Variants in CPVL observed in about 807,000 individuals in gnomAD.
CPVL encodes the protein probable serine carboxypeptidase CPVL.
Under a neutral mutation model 63.7 loss-of-function variants are expected in CPVL, and 51 were observed. The ratio of observed to expected loss-of-function variants is 0.80; its 90% CI spans 0.64 to 1.01. The LOEUF is 1.01. Ranked by LOEUF, CPVL falls within the 50% of genes least tolerant of loss-of-function variation. The pLI, the probability that CPVL is intolerant of heterozygous loss-of-function variation, is 0.00. For missense variants in CPVL, 530 were observed against 573.1 expected, an observed-to-expected ratio of 0.92 and a Z score of 0.77; for synonymous variants, 195 against 206.0, an observed-to-expected ratio of 0.95 and a Z score of 0.46.
At chr7:29,167,737 A>G (rs1203485175) in intron 5 of CPVL, among the ~76,000 whole-genome samples, 3 of 152,206 alleles carry the variant, frequency 2.0e-5, no homozygotes, top group Admixed American at 2.0e-4. Flanking sequence ...TGTGAAAGTC[A>G]TTTGTTTTCC....
chr7:29,060,476 T>G (rs1791159878), intron 11 of CPVL, among the ~76,000 whole-genome samples: 1 of 152,234 alleles, frequency 6.6e-6, no homozygotes, highest in African/African-American at 2.4e-5. Context: ...CATAAAGAAT[T>G]CAAATAGCCC....
intron 12 of CPVL, among the ~76,000 whole-genome samples, chr7:29,026,151 A>C (rs1468407864): frequency 6.6e-6 from 1 of 152,232 alleles, no homozygotes; most frequent in Non-Finnish European, 1.5e-5. Context: ...TAAACTAGAA[A>C]TCAATACCAA....
chr7:29,166,379 G>T (rs1466463817), intron 5 of CPVL, among the ~76,000 whole-genome samples: 2 of 152,128 alleles, frequency 1.3e-5, no homozygotes, highest in Non-Finnish European at 2.9e-5. Context: ...GTTTTGTGTA[G>T]AATTGATATT....
chr7:29,005,330 G>A (rs1180207487), intron 12 of CPVL, among the ~76,000 whole-genome samples: 3 of 152,132 alleles, frequency 2.0e-5, no homozygotes, highest in Admixed American at 6.5e-5. Flanking sequence ...GAAGTGAAGA[G>A]GAGAAATTAC....
chr7:29,103,149 T>C (rs1787338102), intron 3 of CPVL, among the ~76,000 whole-genome samples: 1 of 113,002 alleles, frequency 8.8e-6, no homozygotes, highest in Non-Finnish European at 1.7e-5. Context: ...TCAGACCATA[T>C]GCCTATCACT....
intron 1 of CPVL, among the ~76,000 whole-genome samples, chr7:29,134,662 G>A (rs961906554): frequency 6.6e-6 from 1 of 152,038 alleles, no homozygotes; most frequent in Non-Finnish European, 1.5e-5. Flanking sequence ...AAAGGACAGT[G>A]CAATTAAGTT....
At chr7:29,087,490 C>G (rs537449489) in intron 6 of CPVL, among the ~76,000 whole-genome samples, 3 of 150,196 alleles carry the variant, frequency 2.0e-5, no homozygotes, top group Admixed American at 6.6e-5. Context: ...TTAACAGACT[C>G]AAGGAGTGAT....
intron 3 of CPVL, among the ~76,000 whole-genome samples, chr7:29,109,173 C>T (rs1263588388): frequency 6.6e-6 from 1 of 152,192 alleles, no homozygotes; most frequent in Non-Finnish European, 1.5e-5. Flanking sequence ...TTATCCCATG[C>T]AAAATGCCTA....
intron 6 of CPVL, among the ~76,000 whole-genome samples, chr7:29,088,165 C>T (rs1164343818): frequency 6.6e-6 from 1 of 152,150 alleles, no homozygotes; most frequent in African/African-American, 2.4e-5. Context: ...CTGGATTTAG[C>T]AAATGAAAAC....
At chr7:29,116,637 C>T (rs185572014) in intron 2 of CPVL, among the ~76,000 whole-genome samples, 341 of 152,318 alleles carry the variant, frequency 2.2e-3, no homozygotes, top group Non-Finnish European at 2.8e-3. Flanking sequence ...CTCAAGTTAT[C>T]ACCAGTGTGG....
intron 2 of CPVL, among the ~76,000 whole-genome samples, chr7:29,116,658 T>G (rs539223245): frequency 6.6e-6 from 1 of 152,174 alleles, no homozygotes; most frequent in Non-Finnish European, 1.5e-5. Flanking sequence ...ACAGACATTA[T>G]CAGATCATAA....
chr7:29,113,044 G>C (rs914395580), intron 2 of CPVL: 36 of 452,584 alleles, frequency 8.0e-5, no homozygotes, highest in Non-Finnish European at 1.4e-4. Flanking sequence ...TAAGCCTTTG[G>C]GGAGGGGTGC....
chr7:29,027,582 A>G (rs1787621479), intron 12 of CPVL, among the ~76,000 whole-genome samples: 2 of 152,304 alleles, frequency 1.3e-5, no homozygotes, highest in Middle Eastern at 3.4e-3. Flanking sequence ...AGAAAAAACT[A>G]AAGACTCCAC....
chr7:29,092,786 G>T, intron 5 of CPVL, 84 bp from the exon 6 acceptor site: 1 of 976,284 alleles, frequency 1.0e-6, no homozygotes, highest in Non-Finnish European at 1.6e-6. Flanking sequence ...ACTGGAAGGT[G>T]ACCTTGTTCC....
Position 29,112,783 on chromosome 7 carries a change from T to C in CPVL, c.209A>G (p.Asn70Ser). 6.2e-7 allele frequency: 1 copy of C among 1,613,928 alleles called. No homozygotes were observed. The highest frequency in any genetic ancestry group is 8.5e-7 in the Non-Finnish European group (1 of 1,179,930). ...GAGGAAGCCGGCATAACTCTTCATG[T>C]TCAGTCCTGGGAAAGGGCCGACCAA... ...LSLVGPFPGLNMKSYAGFLTV... is the reference protein window; with the variant it reads ...LSLVGPFPGLSMKSYAGFLTV... Residue 70 changes from asparagine (N) to serine (S), a missense_variant, in exon 3 of 13, where the codon AAC becomes AGC. Physicochemically the swap from Asn to Ser is conservative, Grantham distance 46. Transcript: ENST00000265394.
chr7:29,015,328 A>G (rs1443279548), intron 12 of CPVL, among the ~76,000 whole-genome samples: 2 of 151,844 alleles, frequency 1.3e-5, no homozygotes, highest in East Asian at 3.9e-4. Context: ...TCCCCACCCA[A>G]ATTGCTTGTC....
At chr7:29,001,791 T>C (rs139023010) in intron 12 of CPVL, among the ~76,000 whole-genome samples, 11 of 152,308 alleles carry the variant, frequency 7.2e-5, no homozygotes, top group African/African-American at 2.4e-4. Flanking sequence ...GTTAAAACTT[T>C]TGGTGCTCCT....
intron 1 of CPVL, chr7:29,193,596 G>T (rs995085388): frequency 6.6e-6 from 1 of 152,062 alleles, no homozygotes; most frequent in African/African-American, 2.4e-5. Flanking sequence ...CGATTAGCCC[G>T]CTGGGAGCGT....
chr7:29,158,919 T>C (rs868583688), intron 5 of CPVL, among the ~76,000 whole-genome samples: 11 of 152,236 alleles, frequency 7.2e-5, no homozygotes, highest in African/African-American at 2.4e-4. Context: ...TAAAAATTGC[T>C]AGAGGAATGT....
Sources: allele counts gnomAD v4.1 joint callset (sites outside exome capture counted in the v4.1 genomes callset), GRCh38; gene constraint gnomAD v4.1.1; transcripts MANE v1.5; gene names NCBI Gene and HGNC (gene_info 2026-07-23, HGNC 2026-07-21).